The following SORT1 variants were observed in gnomAD, a reference collection of about 807,000 sequenced individuals.
The protein encoded by SORT1 is sortilin 1.
In SORT1, 39 loss-of-function variants were observed where a neutral mutation model predicts 101.7. The observed-to-expected ratio is 0.38, with a 90% CI of 0.30 to 0.50. SORT1 has a LOEUF of 0.50. Among genes scored for constraint, SORT1 ranks in the 20% least tolerant of loss-of-function variants. The pLI is 0.90. For synonymous variants in SORT1, 396 were observed against 393.7 expected (o/e 1.01, Z -0.07); for missense variants, 878 against 1,040.4 (o/e 0.84, Z 2.15).
At chr1:109,359,392 G>A (rs1474626532) in intron 3 of SORT1, among the ~76,000 whole-genome samples, 1 of 151,936 alleles carries the variant, frequency 6.6e-6, no homozygotes, top group Non-Finnish European at 1.5e-5. Context: ...TCAGTGTACG[G>A]CATCCTGACA....
intron 15 of SORT1, among the ~76,000 whole-genome samples, 186 bp from the exon 16 acceptor site, chr1:109,318,155 CTTT>C (rs368333953): frequency 5.1e-5 from 7 of 136,616 alleles, no homozygotes; most frequent in Admixed American, 7.3e-5. Context: ...CGGAGAGGGC[CTTT>C]TTTTTTTTTT....
intron 18 of SORT1, 133 bp from the exon 19 acceptor site, chr1:109,314,517 T>C (rs1435987086): frequency 2.5e-6 from 3 of 1,224,072 alleles, no homozygotes; most frequent in South Asian, 1.5e-5. Context: ...ATGGTTGACA[T>C]ATGAAAAATG....
At chr1:109,337,776 T>C (rs1204241339) in intron 10 of SORT1, among the ~76,000 whole-genome samples, 2 of 152,070 alleles carry the variant, frequency 1.3e-5, no homozygotes, top group Non-Finnish European at 2.9e-5. Context: ...TACAGGTGCA[T>C]GCCACCAGGT....
chr1:109,397,809 C>A lies in SORT1; in HGVS notation c.84G>T (p.Pro28=). Residue 28 remains proline (P), a synonymous_variant, in exon 1 of 20, where the codon CCG becomes CCT. Transcript: ENST00000256637. ...LGLLLLLQLL[P]PSTLSQDRLD... The stretch of plus-strand genomic sequence containing the variant: ...GCCGGTCCTGGCTGAGGGTCGACGG[C>A]GGCAGCAGCTGCAGGAGGAGGAGGA... 2 of 1,283,762 alleles carry A rather than the reference C, an allele frequency of 1.6e-6. No individual in the cohort carries two copies. The highest frequency in any genetic ancestry group is 3.1e-5 in the Admixed American group (1 of 32,602). 79.5% of individuals were successfully genotyped at this position (1,283,762 alleles called of 1,614,324 possible).
Position 109,311,305 on chromosome 1 carries a change from C to T in SORT1, c.*2738G>A, listed in dbSNP as rs1373201366. On this transcript the variant is annotated 3_prime_UTR_variant, in exon 20 of 20. Coordinates refer to ENST00000256637, the MANE Select transcript of SORT1 (RefSeq NM_002959.7). ...CTGAAGCCTCCAGAAATGATCTCTT[C>T]TGCTACATCAAGCCTGGGAGTTTAC... The T allele has an allele frequency of 6.6e-6, 1 of 152,260 alleles. No individual in the cohort carries two copies. Among genetic ancestry groups the T allele is most frequent in the Non-Finnish European group, 1.5e-5 (1 of 68,042 alleles). 9.4% of individuals were successfully genotyped at this position (152,260 alleles called of 1,614,324 possible).
At chr1:109,391,443 A>T (rs2100932563) in intron 1 of SORT1, among the ~76,000 whole-genome samples, 1 of 152,334 alleles carries the variant, frequency 6.6e-6, no homozygotes, top group Non-Finnish European at 1.5e-5. Context: ...TTTTAAAGCT[A>T]GTCCAAAACT....
chr1:109,342,260 C>T (rs1649277663), intron 8 of SORT1, 102 bp from the exon 9 acceptor site: 1 of 861,864 alleles, frequency 1.2e-6, no homozygotes, highest in African/African-American at 1.7e-5. Flanking sequence ...ATCCATTTCT[C>T]TACTGGGTAC....
At chr1:109,327,218 A>C (rs1375227901) in intron 12 of SORT1, 58 bp from the exon 13 acceptor site, 4 of 1,326,012 alleles carry the variant, frequency 3.0e-6, no homozygotes, top group Non-Finnish European at 4.3e-6. Context: ...GAGAGCATTT[A>C]CTCCAGAGAG....
intron 6 of SORT1, among the ~76,000 whole-genome samples, chr1:109,350,442 G>C (rs1649885667): frequency 6.6e-6 from 1 of 152,178 alleles, no homozygotes; most frequent in South Asian, 2.1e-4. Context: ...CGGAGGGGCA[G>C]GGAATCTCTC....
chr1:109,322,907 A>C, intron 15 of SORT1, 25 bp downstream of exon 15: 2 of 1,582,656 alleles, frequency 1.3e-6, no homozygotes, highest in Non-Finnish European at 8.7e-7. Context: ...AAAGGGAGAC[A>C]GAGAAATCTG....
chr1:109,344,554 T>C (rs1649454438), intron 8 of SORT1, among the ~76,000 whole-genome samples: 2 of 152,222 alleles, frequency 1.3e-5, no homozygotes, highest in South Asian at 4.1e-4. Flanking sequence ...GATGGCCACA[T>C]GGTCAAGTTC....
chr1:109,361,521 T>C (rs1371142881), intron 3 of SORT1, among the ~76,000 whole-genome samples: 1 of 152,230 alleles, frequency 6.6e-6, no homozygotes, highest in Non-Finnish European at 1.5e-5. Context: ...TTAAGTTTCA[T>C]TAACAGCTAT....
chr1:109,386,873 A>G (rs1356726144), intron 1 of SORT1, among the ~76,000 whole-genome samples: 1 of 152,250 alleles, frequency 6.6e-6, no homozygotes, highest in African/African-American at 2.4e-5. Context: ...CTGCTCAGTT[A>G]AAGAAAGGGG....
At chr1:109,326,498 CATATATACACACATACACAT>C (rs1182999268) in intron 13 of SORT1, among the ~76,000 whole-genome samples, 7 of 58,980 alleles carry the variant, frequency 1.2e-4, no homozygotes, top group African/African-American at 3.4e-4. Context: ...TATATACACA[CATATATACACACATACACAT>C]ATATATACAC....
intron 1 of SORT1, among the ~76,000 whole-genome samples, chr1:109,372,612 C>CA (rs2101631748): frequency 6.6e-6 from 1 of 152,140 alleles, no homozygotes; most frequent in African/African-American, 2.4e-5. Context: ...AAAAACAAAA[C>CA]AAAACAAAAC....
At position 109,347,505 on chromosome 1, in the gene SORT1, T is replaced by C; in HGVS notation, c.810A>G (p.Thr270=). The change falls in exon 7 of 20, where the codon ACA becomes ACG. Residue 270 remains threonine (T), a synonymous_variant. Coordinates refer to ENST00000256637, the MANE Select transcript of SORT1 (RefSeq NM_002959.7). The stretch of plus-strand genomic sequence containing the variant: ...TACTGCAGGAGCCATTTGCATAGGT[T>C]GTAAAGAAGATGGTGTTGTCTGATC... The part of the protein sequence containing the change: ...KWGSDNTIFF[T]TYANGSCKAD... The C allele has an allele frequency of 6.2e-7, 1 of 1,611,202 alleles. No individual in the cohort carries two copies. Among genetic ancestry groups the C allele is most frequent in the African/African-American group, 1.3e-5 (1 of 74,992 alleles).
In SORT1 at chr1:109,313,812, A is replaced by G. The variant is rs1257167423; in HGVS notation, c.*231T>C. 7.3e-6 allele frequency: 4 copies of G among 549,894 alleles called. No homozygotes were observed. The highest frequency in any genetic ancestry group is 1.3e-5 in the Non-Finnish European group (4 of 312,890). The allele number at this position is 549,894 out of a possible 1,614,324, so 34.1% of individuals were successfully genotyped here. On this transcript the variant is annotated 3_prime_UTR_variant, in exon 20 of 20. Transcript: ENST00000256637. ...GACAGGACGAGAAATAAGAAGTTAAAGAATTTAAAATGTCTCCCTTTTTCT... is the reference window on the plus strand; with the variant it reads ...GACAGGACGAGAAATAAGAAGTTAAGGAATTTAAAATGTCTCCCTTTTTCT...
intron 15 of SORT1, among the ~76,000 whole-genome samples, chr1:109,318,297 T>G (rs1647378898): frequency 6.6e-6 from 1 of 151,974 alleles, no homozygotes; most frequent in African/African-American, 2.4e-5. Flanking sequence ...GGATTACAGG[T>G]GCATGCCACC....
At chr1:109,341,801 A>C (rs772187890) in intron 9 of SORT1, among the ~76,000 whole-genome samples, 2 of 152,212 alleles carry the variant, frequency 1.3e-5, no homozygotes, top group Non-Finnish European at 2.9e-5. Flanking sequence ...CCATTCTTTG[A>C]GCAGCTCTGC....
Sources: gnomAD v4.1 joint callset for allele counts (sites outside exome capture counted in the v4.1 genomes callset) on GRCh38, gnomAD v4.1.1 for gene constraint, MANE v1.5 for transcripts, NCBI Gene and HGNC (gene_info 2026-07-23, HGNC 2026-07-21) for gene names.